The following LRRTM4 variants were observed in gnomAD, a reference collection of about 807,000 sequenced individuals.
LRRTM4 encodes leucine rich repeat transmembrane neuronal 4, also known as leucine-rich repeat transmembrane neuronal protein 4.
LRRTM4 carries 25 observed loss-of-function variants against 47.6 expected under a neutral mutation model. The observed-to-expected ratio is 0.53, with a 90% CI of 0.38 to 0.73. The LOEUF is 0.73. Ranked by LOEUF, LRRTM4 falls within the 30% of genes least tolerant of loss-of-function variation. The pLI, the probability that LRRTM4 is intolerant of heterozygous loss-of-function variation, is 0.00. For missense variants in LRRTM4, 638 were observed against 713.4 expected (o/e 0.89, Z 1.20); for synonymous variants, 311 against 269.5 (o/e 1.15, Z -1.51).
At chr2:76,777,650 A>C (rs947289152) in intron 3 of LRRTM4, among the ~76,000 whole-genome samples, 2 of 151,038 alleles carry the variant, frequency 1.3e-5, no homozygotes, top group African/African-American at 4.9e-5. Context: ...CAGCTTAAGG[A>C]GATTATGGGC....
chr2:77,194,504 A>T (rs2103885870), intron 3 of LRRTM4, among the ~76,000 whole-genome samples: 1 of 152,306 alleles, frequency 6.6e-6, no homozygotes, highest in East Asian at 1.9e-4. Context: ...CCTCAGATTC[A>T]CATGGAAGAT....
At chr2:77,392,202 T>A (rs1323001532) in intron 3 of LRRTM4, among the ~76,000 whole-genome samples, 12 of 152,062 alleles carry the variant, frequency 7.9e-5, no homozygotes, top group Non-Finnish European at 1.5e-4. Context: ...CAAGCTGTTT[T>A]CAACTCTTCA....
intron 3 of LRRTM4, among the ~76,000 whole-genome samples, chr2:77,271,927 A>T (rs796735394): frequency 6.6e-6 from 1 of 152,166 alleles, no homozygotes; most frequent in South Asian, 2.1e-4. Flanking sequence ...ACTTTACTTA[A>T]GTGTCTTTGA....
intron 3 of LRRTM4, among the ~76,000 whole-genome samples, chr2:77,467,130 CA>C (rs1677012070): frequency 6.6e-6 from 1 of 151,990 alleles, no homozygotes; most frequent in Non-Finnish European, 1.5e-5. Context: ...TTGTTGTAAT[CA>C]TTTTGATTAT....
At chr2:77,125,490 G>T (rs1361591931) in intron 3 of LRRTM4, among the ~76,000 whole-genome samples, 1 of 152,014 alleles carries the variant, frequency 6.6e-6, no homozygotes, top group Non-Finnish European at 1.5e-5. Flanking sequence ...CATCCTAAAC[G>T]CTCAAGTCAA....
At chr2:76,997,228 A>G (rs1677234534) in intron 3 of LRRTM4, among the ~76,000 whole-genome samples, 1 of 152,164 alleles carries the variant, frequency 6.6e-6, no homozygotes, top group Admixed American at 6.6e-5. Flanking sequence ...ACTGATTTCT[A>G]GAAGTGAATT....
At chr2:76,789,444 C>T (rs376485317) in intron 3 of LRRTM4, among the ~76,000 whole-genome samples, 3 of 152,238 alleles carry the variant, frequency 2.0e-5, no homozygotes, top group African/African-American at 4.8e-5. Flanking sequence ...GAACACCATG[C>T]GTTGTATGAC....
In LRRTM4 at chr2:77,096,400, G is replaced by A. The variant is rs1055037334; in HGVS notation, c.1552-347484C>T. On this transcript the variant is annotated intron_variant, in intron 3 of 3. Transcript: ENST00000409884. ...AAATTTTCAGTAAAGGATCTAAAAG[G>A]TGGCTTTTCAGGAGTAAAGAAAAAA... Among the ~76,000 whole-genome samples the A allele has an allele frequency of 9.2e-5, 14 of 151,678 alleles. 1 individual carries two copies. Among genetic ancestry groups the A allele is most frequent in the Admixed American group, 5.2e-4 (8 of 15,250 alleles).
chr2:77,446,193 T>G (rs1676043999), intron 3 of LRRTM4, among the ~76,000 whole-genome samples: 1 of 152,096 alleles, frequency 6.6e-6, no homozygotes, highest in African/African-American at 2.4e-5. Context: ...GCTATGGGTT[T>G]TTTTCTGTAT....
intron 3 of LRRTM4, among the ~76,000 whole-genome samples, chr2:77,410,386 G>T (rs1391410908): frequency 6.6e-6 from 1 of 152,088 alleles, no homozygotes; most frequent in Non-Finnish European, 1.5e-5. Context: ...ACTGGTACTT[G>T]AAACCCCTGT....
intron 3 of LRRTM4, among the ~76,000 whole-genome samples, chr2:76,749,956 C>T (rs1256505956): frequency 3.3e-5 from 5 of 152,184 alleles, no homozygotes; most frequent in Admixed American, 3.3e-4. Context: ...TATTGACTCT[C>T]AGCTCTAAGT....
intron 3 of LRRTM4, among the ~76,000 whole-genome samples, chr2:77,333,344 T>C (rs1308843362): frequency 6.6e-6 from 1 of 151,962 alleles, no homozygotes; most frequent in East Asian, 1.9e-4. Flanking sequence ...GTCAGAAAAA[T>C]GTGTGAAAGT....
chr2:76,970,999 G>A (rs1676198823), intron 3 of LRRTM4, among the ~76,000 whole-genome samples: 1 of 151,800 alleles, frequency 6.6e-6, no homozygotes, highest in Non-Finnish European at 1.5e-5. Context: ...AGAACCTATA[G>A]GACAAAAAAT....
chr2:77,128,195 A>G (rs1245193990), intron 3 of LRRTM4, among the ~76,000 whole-genome samples: 1 of 152,092 alleles, frequency 6.6e-6, no homozygotes, highest in Non-Finnish European at 1.5e-5. Flanking sequence ...AACAAATAAA[A>G]TAAGTGTTGT....
chr2:76,766,230 T>G (rs1673450799), intron 3 of LRRTM4, among the ~76,000 whole-genome samples: 1 of 152,222 alleles, frequency 6.6e-6, no homozygotes, highest in Admixed American at 6.5e-5. Context: ...GAGGGGGTTA[T>G]ACATGTGGCG....
At chr2:77,108,826 G>T (rs367917825) in intron 3 of LRRTM4, among the ~76,000 whole-genome samples, 1 of 151,800 alleles carries the variant, frequency 6.6e-6, no homozygotes, top group Admixed American at 6.6e-5. Context: ...CTCGTGATCC[G>T]CCCGCCTCGG....
At chr2:77,402,976 T>C (rs1674020744) in intron 3 of LRRTM4, among the ~76,000 whole-genome samples, 1 of 152,042 alleles carries the variant, frequency 6.6e-6, no homozygotes, top group African/African-American at 2.4e-5. Flanking sequence ...ACATTTCTAT[T>C]TCCCACTATC....
intron 3 of LRRTM4, among the ~76,000 whole-genome samples, chr2:76,936,954 CAAAAAAAAAAAAAA>C (rs56140303): frequency 2.6e-4 from 6 of 22,696 alleles, no homozygotes; most frequent in African/African-American, 6.8e-4. Context: ...GACTCCATCT[CAAAAAAAAAAAAAA>C]AAAAAAAAAA....
chr2:77,201,246 A>C (rs982810933), intron 3 of LRRTM4, among the ~76,000 whole-genome samples: 1 of 152,172 alleles, frequency 6.6e-6, no homozygotes, highest in African/African-American at 2.4e-5. Context: ...GCCACACAGT[A>C]AGAGGAGACT....
Sources: allele counts gnomAD v4.1 joint callset (sites outside exome capture counted in the v4.1 genomes callset), GRCh38; gene constraint gnomAD v4.1.1; transcripts MANE v1.5; gene names NCBI Gene and HGNC (gene_info 2026-07-23, HGNC 2026-07-21).